ZFHX3: variants seen among roughly 807,000 people sequenced by gnomAD.
ZFHX3 encodes zinc finger homeobox 3.
Under a neutral mutation model 279.1 loss-of-function variants are expected in ZFHX3, and 42 were observed. The observed-to-expected ratio is 0.15, with a 90% CI of 0.12 to 0.19. The LOEUF (loss-of-function observed/expected upper bound fraction) is 0.19. Ranked by LOEUF, ZFHX3 falls within the 10% of genes least tolerant of loss-of-function variation. The pLI is 1.00. For synonymous variants in ZFHX3, 2,293 were observed against 1,957.8 expected (o/e 1.17, Z -4.52); for missense variants, 4,981 against 4,754.0 (o/e 1.05, Z -1.40).
intron 3 of ZFHX3, among the ~76,000 whole-genome samples, chr16:73,331,130 C>T (rs953013437): frequency 6.6e-6 from 1 of 152,190 alleles, no homozygotes; most frequent in African/African-American, 2.4e-5. Flanking sequence ...GGGAAGCAAA[C>T]ACACCCTTCT....
At chr16:73,213,623 G>C (rs1233055995) in intron 5 of ZFHX3, among the ~76,000 whole-genome samples, 1 of 152,122 alleles carries the variant, frequency 6.6e-6, no homozygotes, top group Non-Finnish European at 1.5e-5. Context: ...ACATTCAGGG[G>C]GTAAGTGCAT....
intron 6 of ZFHX3, among the ~76,000 whole-genome samples, chr16:73,142,522 C>T (rs1241756718): frequency 6.6e-6 from 1 of 152,130 alleles, no homozygotes; most frequent in Non-Finnish European, 1.5e-5. Flanking sequence ...GGCAGGGCCA[C>T]CCTTCTTCCT....
intron 4 of ZFHX3, among the ~76,000 whole-genome samples, chr16:73,262,241 T>C (rs2013847231): frequency 6.6e-6 from 1 of 152,210 alleles, no homozygotes; most frequent in Non-Finnish European, 1.5e-5. Context: ...TTGAATTGCT[T>C]GAGTTTCAAG....
intron 1 of ZFHX3, among the ~76,000 whole-genome samples, chr16:73,718,080 T>A (rs2053433780): frequency 6.6e-6 from 1 of 152,122 alleles, no homozygotes; most frequent in South Asian, 2.1e-4. Context: ...AGCCCCTCCA[T>A]CTCTCCATTC....
At chr16:73,236,470 A>T (rs2144937837) in intron 5 of ZFHX3, among the ~76,000 whole-genome samples, 1 of 152,256 alleles carries the variant, frequency 6.6e-6, no homozygotes, top group South Asian at 2.1e-4. Context: ...CATGTCTGTA[A>T]TCCCAGCTAC....
rs533969938 is a variant in ZFHX3 at position 73,812,091 on chromosome 16, T to C, written c.-1608+79560A>G. 4.6e-5 allele frequency among the ~76,000 whole-genome samples: 7 copies of C among 152,306 alleles called. No individual in the cohort carries two copies. In the East Asian group the frequency reaches 1.2e-3, roughly 25 times the overall value. Reference sequence around the variant, plus strand: ...TAGAATTCAAACCCAAACAGGCTGATTCTGAGGCTTATGGTGGTCTTTACC... The same window carrying C: ...TAGAATTCAAACCCAAACAGGCTGACTCTGAGGCTTATGGTGGTCTTTACC... On this transcript the variant is annotated intron_variant, in intron 1 of 17. Coordinates refer to the ZFHX3 transcript ENST00000641206.
At chr16:73,423,878 A>T (rs2017763443) in intron 3 of ZFHX3, among the ~76,000 whole-genome samples, 1 of 132,242 alleles carries the variant, frequency 7.6e-6, no homozygotes, top group South Asian at 2.5e-4. Context: ...AAAAAAAAAA[A>T]GTGAGAGAGA....
chr16:73,222,432 A>G (rs994627731), intron 5 of ZFHX3, among the ~76,000 whole-genome samples: 2 of 152,120 alleles, frequency 1.3e-5, no homozygotes, highest in African/African-American at 4.8e-5. Flanking sequence ...AGCAATGAAC[A>G]AGTGGAATTT....
chr16:73,073,710 G>T (rs1481436927), intron 8 of ZFHX3, among the ~76,000 whole-genome samples: 1 of 152,070 alleles, frequency 6.6e-6, no homozygotes, highest in Admixed American at 6.6e-5. Flanking sequence ...TGTTGGCCAG[G>T]CTTGTCTCAA....
intron 4 of ZFHX3, among the ~76,000 whole-genome samples, chr16:72,863,960 CA>C (rs1475946597): frequency 6.6e-6 from 1 of 151,752 alleles, no homozygotes; most frequent in Non-Finnish European, 1.5e-5. Context: ...ACTAAAAATA[CA>C]AAAAAATTAG....
chr16:73,674,257 A>G (rs2142188163), intron 2 of ZFHX3, among the ~76,000 whole-genome samples: 1 of 152,350 alleles, frequency 6.6e-6, no homozygotes, highest in East Asian at 1.9e-4. Flanking sequence ...ATAGAATACA[A>G]AAAAGTAACA....
chr16:73,803,181 G>C (rs763158728), intron 1 of ZFHX3, among the ~76,000 whole-genome samples: 1 of 152,190 alleles, frequency 6.6e-6, no homozygotes, highest in Non-Finnish European at 1.5e-5. Context: ...GCAAAGATAC[G>C]AGTAGAAATT....
At chr16:73,030,413 G>C (rs1318649427) in intron 1 of ZFHX3, among the ~76,000 whole-genome samples, 2 of 152,192 alleles carry the variant, frequency 1.3e-5, no homozygotes, top group Non-Finnish European at 2.9e-5. Context: ...CCACAAAAAG[G>C]TTAGAAGGCT....
intron 5 of ZFHX3, among the ~76,000 whole-genome samples, chr16:73,243,026 G>A (rs923958925): frequency 2.6e-5 from 4 of 152,214 alleles, no homozygotes; most frequent in Non-Finnish European, 4.4e-5. Flanking sequence ...GAGGTCAGAG[G>A]CTGGAGTGTG....
At chr16:73,807,721 T>G (rs1220987112) in intron 1 of ZFHX3, among the ~76,000 whole-genome samples, 1 of 139,328 alleles carries the variant, frequency 7.2e-6, no homozygotes, top group African/African-American at 2.6e-5. Context: ...TCCACCCACA[T>G]CAGCCTCCCA....
chr16:73,736,582 G>A (rs79127523), intron 1 of ZFHX3, among the ~76,000 whole-genome samples: 2 of 151,008 alleles, frequency 1.3e-5, no homozygotes, highest in Non-Finnish European at 2.9e-5. Context: ...TACAGAGAGG[G>A]AAATCAGAAA....
rs547618913 is a variant in ZFHX3, at chr16:72,907,545, TTGTGTGTGTGTGTGTGTGTGTGTG to T, written c.3217-17607_3217-17584del. 3.6e-3 allele frequency among the ~76,000 whole-genome samples: 437 copies of T among 120,486 alleles called. 2 individuals carry two copies. Among genetic ancestry groups the T allele is most frequent in the African/African-American group, 0.011 (352 of 31,310 alleles). The allele number at this position is 120,486 out of a possible 152,430, so 79.0% of individuals were successfully genotyped here. A position where few individuals can be genotyped will look rare whatever the true frequency, so the allele number is the denominator to read the frequency against. On this transcript the variant is annotated intron_variant, in intron 3 of 9. Transcript: ENST00000268489. ...CTCGGTTTCCAAAGGTTTCCTCTAT[TTGTGTGTGTGTGTGTGTGTGTGTG>T]TGTGTGTGTGTGTGTGTGTGTGTGT... is the stretch of plus-strand genomic sequence containing the variant.
At chr16:73,807,806 AC>A (rs1960321595) in intron 1 of ZFHX3, among the ~76,000 whole-genome samples, 1 of 150,378 alleles carries the variant, frequency 6.6e-6, no homozygotes, top group African/African-American at 2.4e-5. Context: ...CATCCCACCT[AC>A]CCACCCATTC....
intron 3 of ZFHX3, among the ~76,000 whole-genome samples, chr16:73,432,588 T>C (rs1360506056): frequency 1.3e-5 from 2 of 152,206 alleles, no homozygotes; most frequent in African/African-American, 4.8e-5. Flanking sequence ...GTTTCCCATA[T>C]GCAAGAGCTG....
Sources: gnomAD v4.1 joint callset for allele counts (sites outside exome capture counted in the v4.1 genomes callset) on GRCh38, gnomAD v4.1.1 for gene constraint, MANE v1.5 for transcripts, NCBI Gene and HGNC (gene_info 2026-07-23, HGNC 2026-07-21) for gene names.